CELSR1: variants seen among roughly 807,000 people sequenced by gnomAD.
The protein encoded by CELSR1 is adhesion G protein-coupled receptor C1.
A neutral mutation model predicts 249.1 loss-of-function variants in CELSR1; 110 were observed. The observed-to-expected ratio is 0.44, with a 90% CI of 0.38 to 0.52. The LOEUF is 0.52. Among genes scored for constraint, CELSR1 ranks in the 20% least tolerant of loss-of-function variants. The probability of loss-of-function intolerance (pLI) is 0.00; values close to 1 mark genes in which losing one functional copy is unlikely to be tolerated. For missense variants in CELSR1, 4,109 were observed against 4,296.4 expected (o/e 0.96, Z 1.22); for synonymous variants, 2,113 against 1,900.0 (o/e 1.11, Z -2.92).
At chr22:46,456,160 T>C (rs773101010) in intron 2 of CELSR1, among the ~76,000 whole-genome samples, 16 of 152,264 alleles carry the variant, frequency 1.1e-4, no homozygotes, top group Non-Finnish European at 2.1e-4. Flanking sequence ...TTACTAGGAA[T>C]ACTTGGAAGT....
chr22:46,482,421 C>G (rs1402106519), intron 1 of CELSR1, among the ~76,000 whole-genome samples: 1 of 152,110 alleles, frequency 6.6e-6, no homozygotes, highest in Non-Finnish European at 1.5e-5. Context: ...GAGGCAATAC[C>G]AGATAATGAG....
rs1289428241 is a variant in CELSR1, at chr22:46,434,669, T to C, written c.4523-1188A>G. On this transcript the variant is annotated intron_variant, in intron 4 of 34. Coordinates refer to ENST00000674500, the MANE Select transcript of CELSR1 (RefSeq NM_001378328.1). The surrounding 1 kb of genome is among the most constrained non-coding windows in gnomAD (Gnocchi z 4.9). ...TGAGCCATCTTGGTGAACTTCCAGG[T>C]GAAGGAGGAGATGGCAGAATTCACT... 3.3e-5 allele frequency among the ~76,000 whole-genome samples: 5 copies of C among 152,058 alleles called. No individual in the cohort carries two copies. The highest frequency in any genetic ancestry group is 7.4e-5 in the Non-Finnish European group (5 of 68,006).
At chr22:46,431,152 C>T (rs1462283013) in intron 5 of CELSR1, among the ~76,000 whole-genome samples, 1 of 152,224 alleles carries the variant, frequency 6.6e-6, no homozygotes, top group Non-Finnish European at 1.5e-5. Context: ...TATCTTCTTA[C>T]ATGAGGCCCC....
rs915058013 is a variant in CELSR1, at chr22:46,533,750, T to C, written c.3421A>G (p.Thr1141Ala). Residue 1141 changes from threonine (T) to alanine (A), a missense_variant, in exon 1 of 35, where the codon ACC becomes GCC. Thr to Ala is a moderately conservative substitution (Grantham distance 58, BLOSUM62 0). Around this residue, in one of 7 missense-constraint regions of CELSR1, gnomAD observed 886 missense variants for 896.5 expected, o/e 0.99. Coordinates refer to ENST00000674500, the MANE Select transcript of CELSR1 (RefSeq NM_001378328.1). ...DPDVSDSLNY[T>A]FVQGNELRLL... ...CGCAGCTCGTTGCCCTGCACGAAGGTGTAGTTGAGGCTGTCTGACACGTCG... is the reference window on the plus strand; with the variant it reads ...CGCAGCTCGTTGCCCTGCACGAAGGCGTAGTTGAGGCTGTCTGACACGTCG... The C allele has an allele frequency of 1.2e-6, 2 of 1,613,074 alleles. No individual in the cohort carries two copies. The highest frequency in any genetic ancestry group is 2.7e-5 in the African/African-American group (2 of 74,892).
intron 20 of CELSR1, among the ~76,000 whole-genome samples, chr22:46,383,505 A>T (rs1463248253): frequency 6.6e-6 from 1 of 152,178 alleles, no homozygotes; most frequent in Non-Finnish European, 1.5e-5. Flanking sequence ...AGGTGATTCT[A>T]AAATGCCTAT....
rs947685681 is a variant in CELSR1 at position 46,423,102 on chromosome 22, G to A, written c.4611+10291C>T. 7.9e-5 allele frequency among the ~76,000 whole-genome samples: 12 copies of A among 152,140 alleles called. No individual in the cohort carries two copies. The highest frequency in any genetic ancestry group is 2.4e-4 in the African/African-American group (10 of 41,418). On this transcript the variant is annotated intron_variant, in intron 5 of 34. Transcript: ENST00000674500. The surrounding 1 kb of genome is among the most constrained non-coding windows in gnomAD (Gnocchi z 5.6). ...CACGAGATAAGGCCTGGAAAGCACC[G>A]TGCACTGGGACTCGCCCTCTCTGGC...
In CELSR1 at chr22:46,477,299, C is replaced by T. The variant is rs191690392; in HGVS notation, c.3545-12954G>A. On this transcript the variant is annotated intron_variant, in intron 1 of 34. Transcript: ENST00000674500. ...ACAGTGAAGGCACCAGCCGGGACTTCGACAGGGATCAAACACCTGGAGTTT... is the reference window on the plus strand; with the variant it reads ...ACAGTGAAGGCACCAGCCGGGACTTTGACAGGGATCAAACACCTGGAGTTT... Among the ~76,000 whole-genome samples, 165 of 152,284 alleles carry T rather than the reference C, an allele frequency of 1.1e-3. No homozygotes were observed. In the East Asian group the frequency reaches 0.013, roughly 12 times the overall value.
chr22:46,471,375 G>A lies in CELSR1; in HGVS notation c.3545-7030C>T, dbSNP rs2080153638. On this transcript the variant is annotated intron_variant, in intron 1 of 34. Transcript: ENST00000674500. The surrounding 1 kb of genome is among the most constrained non-coding windows in gnomAD (Gnocchi z 4.9). ...CCCTATTAGTTACGTTATTACATTA[G>A]CATGGTAGGTTTGGGGGTCTTTTGC... Among the ~76,000 whole-genome samples, 1 of 152,006 alleles carries A rather than the reference G, an allele frequency of 6.6e-6. No individual in the cohort carries two copies. The highest frequency in any genetic ancestry group is 6.6e-5 in the Admixed American group (1 of 15,244).
intron 25 of CELSR1, chr22:46,370,142 A>AG (rs1479654720): frequency 1.5e-5 from 7 of 473,294 alleles, no homozygotes; most frequent in South Asian, 1.1e-4. Flanking sequence ...GGTGCTTGGG[A>AG]GGACCCTGCC....
intron 2 of CELSR1, among the ~76,000 whole-genome samples, chr22:46,451,083 G>T (rs2079878343): frequency 6.6e-6 from 1 of 152,098 alleles, no homozygotes; most frequent in African/African-American, 2.4e-5. Flanking sequence ...ACCGGGAACT[G>T]CTGTCTGTCA....
intron 5 of CELSR1, among the ~76,000 whole-genome samples, chr22:46,422,048 T>C (rs1187370944): frequency 6.6e-6 from 1 of 152,260 alleles, no homozygotes; most frequent in Non-Finnish European, 1.5e-5. Flanking sequence ...ATTAACTTTG[T>C]AAAAGTTTAG....
At chr22:46,509,951 G>A (rs1023832161) in intron 1 of CELSR1, among the ~76,000 whole-genome samples, 1 of 152,210 alleles carries the variant, frequency 6.6e-6, no homozygotes, top group African/African-American at 2.4e-5. Context: ...CTCACAGGGC[G>A]CAGGTGACAA....
At chr22:46,403,364 C>A (rs1299510510) in intron 9 of CELSR1, among the ~76,000 whole-genome samples, 11 of 148,132 alleles carry the variant, frequency 7.4e-5, no homozygotes, top group Non-Finnish European at 1.0e-4. Context: ...CTGGCTAACA[C>A]GGTGAAACCC....
Position 46,410,108 on chromosome 22 carries a change from C to T in CELSR1, c.4934-228G>A, listed in dbSNP as rs80023594. ...CGCCAGGCCATCACGGCAGCCGGCC[C>T]GGTCACCTGGTGACACATATGCAAG... On this transcript the variant is annotated intron_variant, in intron 7 of 34. Transcript: ENST00000674500. The surrounding 1 kb of genome is among the most constrained non-coding windows in gnomAD (Gnocchi z 6.8). Among the ~76,000 whole-genome samples, 8,411 of 152,284 alleles carry T rather than the reference C, an allele frequency of 0.055. 269 individuals are homozygous for T. Among genetic ancestry groups the T allele is most frequent in the African/African-American group, 0.065 (2,706 of 41,560 alleles).
In CELSR1 at chr22:46,470,567, T is replaced by C. The variant is rs139431509; in HGVS notation, c.3545-6222A>G. ...CTGTGAAGTGTGCTACAGAACACGATGAGTGCCTTACTGTTAATCCTAACA... is the reference window on the plus strand; with the variant it reads ...CTGTGAAGTGTGCTACAGAACACGACGAGTGCCTTACTGTTAATCCTAACA... On this transcript the variant is annotated intron_variant, in intron 1 of 34. Transcript: ENST00000674500. Among the ~76,000 whole-genome samples, 6 of 152,290 alleles carry C rather than the reference T, an allele frequency of 3.9e-5. No individual in the cohort carries two copies. The East Asian group carries it at 9.7e-4, about 24-fold the overall frequency.
rs1040294287 is a variant in CELSR1 at position 46,363,593 on chromosome 22, T to A, written c.9036-346A>T. The A allele has an allele frequency of 2.2e-5, 8 of 364,846 alleles. No individual in the cohort carries two copies. Among genetic ancestry groups the A allele is most frequent in the African/African-American group, 4.1e-5 (2 of 48,664 alleles). 22.6% of individuals were successfully genotyped at this position (364,846 alleles called of 1,614,324 possible). On this transcript the variant is annotated intron_variant, in intron 34 of 34. Transcript: ENST00000674500. This position sits in a 1 kb window ranked among gnomAD's most constrained non-coding sequence, Gnocchi z 4.3. The stretch of plus-strand genomic sequence containing the variant: ...GAGGGAGGGGCGACAGGGAGAGGTC[T>A]GGGGCCAGGACCCCAGCTCCACCCC...
Position 46,464,218 on chromosome 22 carries a change from C to T in CELSR1, c.3672G>A (p.Leu1224=). 1 of 1,613,768 alleles carries T rather than the reference C, an allele frequency of 6.2e-7. No homozygotes were observed. The highest frequency in any genetic ancestry group is 8.5e-7 in the Non-Finnish European group (1 of 1,180,026). Reference sequence around the variant, plus strand: ...CGGCCACCCCCTCCACGAAGAGGGCCAGCAGCGGGGACAGGAACTTCTCCT... The same window carrying T: ...CGGCCACCCCCTCCACGAAGAGGGCTAGCAGCGGGGACAGGAACTTCTCCT... The part of the protein sequence containing the change: ...MSQEKFLSPL[L]ALFVEGVAAV... Residue 1224 remains leucine (L), a synonymous_variant, in exon 2 of 35, where the codon CTG becomes CTA. Coordinates refer to ENST00000674500, the MANE Select transcript of CELSR1 (RefSeq NM_001378328.1). The surrounding 1 kb of genome is among the most constrained non-coding windows in gnomAD (Gnocchi z 8.5).
rs145806134 is a variant in CELSR1 at position 46,477,148 on chromosome 22, G to A, written c.3545-12803C>T. ...TTCCAAGAGCAGGAAGCCACCTTCC[G>A]ACCCTGGAGACACCAAACTCCCCCA... is the stretch of plus-strand genomic sequence containing the variant. On this transcript the variant is annotated intron_variant, in intron 1 of 34. Coordinates refer to ENST00000674500, the MANE Select transcript of CELSR1 (RefSeq NM_001378328.1). Among the ~76,000 whole-genome samples the A allele has an allele frequency of 1.1e-4, 17 of 152,274 alleles. 1 individual carries two copies. In the East Asian group the frequency reaches 3.1e-3, roughly 28 times the overall value.
In CELSR1 at chr22:46,535,854, G is replaced by T; in HGVS notation, c.1317C>A (p.Leu439=). ...ANDQGRNPGP[L]SATATVYIEV... The stretch of plus-strand genomic sequence containing the variant: ...CGATGTACACGGTGGCCGTGGCACT[G>T]AGCGGGCCCGGATTGCGCCCCTGGT... The change falls in exon 1 of 35, where the codon CTC becomes CTA. Residue 439 remains leucine (L), a synonymous_variant. Transcript: ENST00000674500. 1.2e-6 allele frequency: 2 copies of T among 1,611,320 alleles called. No homozygotes were observed. Among genetic ancestry groups the T allele is most frequent in the Non-Finnish European group, 8.5e-7 (1 of 1,179,930 alleles).
Sources: allele counts gnomAD v4.1 joint callset (sites outside exome capture counted in the v4.1 genomes callset), GRCh38; gene constraint gnomAD v4.1.1; regional missense constraint gnomAD v4.1.1; non-coding constraint Gnocchi (gnomAD v3.1); transcripts MANE v1.5; gene names NCBI Gene and HGNC (gene_info 2026-07-23, HGNC 2026-07-21).